The following TTPAL variants were observed in gnomAD, a reference collection of about 807,000 sequenced individuals.
TTPAL encodes the protein alpha tocopherol transfer protein like, also known as alpha-tocopherol transfer protein-like.
A neutral mutation model predicts 28.7 loss-of-function variants in TTPAL; 21 were observed. That is an observed-to-expected ratio of 0.73 (90% confidence interval 0.52 to 1.06). The LOEUF is 1.06. TTPAL is among the 50% of genes least tolerant of loss of function. The pLI is 0.00. For missense variants in TTPAL, 345 were observed against 425.5 expected (o/e 0.81, Z 1.67); for synonymous variants, 169 against 171.9 (o/e 0.98, Z 0.13).
rs1267067785 is a variant in TTPAL at position 44,494,212 on chromosome 20, C to T, written c.*4671C>T. ...TTCATGGGGCTGTTTTTCTTTTCAT[C>T]TCACTGGGCAGCAGGTTTAGTGAGG... is the stretch of plus-strand genomic sequence containing the variant. On this transcript the variant is annotated 3_prime_UTR_variant, in exon 5 of 5. Transcript: ENST00000262605. 6.6e-6 allele frequency: 1 copy of T among 151,308 alleles called. No homozygotes were observed. Among genetic ancestry groups the T allele is most frequent in the East Asian group, 1.9e-4 (1 of 5,312 alleles). The allele number at this position is 151,308 out of a possible 1,614,324, so 9.4% of individuals were successfully genotyped here. A position where few individuals can be genotyped will look rare whatever the true frequency, so the allele number is the denominator to read the frequency against.
Position 44,491,091 on chromosome 20 carries a change from A to T in TTPAL, c.*1550A>T, listed in dbSNP as rs2122968326. ...ACTCTGCCTCAAAAAAAAAAAAAAA[A>T]AAAAAAAATTTTTTTTTTTTTGGTC... is the stretch of plus-strand genomic sequence containing the variant. On this transcript the variant is annotated 3_prime_UTR_variant, in exon 5 of 5. Coordinates refer to ENST00000262605, the MANE Select transcript of TTPAL (RefSeq NM_001039199.3). 1 of 151,244 alleles carries T rather than the reference A, an allele frequency of 6.6e-6. No homozygotes were observed. The highest frequency in any genetic ancestry group is 2.1e-4 in the South Asian group (1 of 4,784). 9.4% of individuals were successfully genotyped at this position (151,244 alleles called of 1,614,324 possible). A position where few individuals can be genotyped will look rare whatever the true frequency, so the allele number is the denominator to read the frequency against.
At chr20:44,479,393 T>C (rs2064078285) in intron 1 of TTPAL, among the ~76,000 whole-genome samples, 1 of 146,194 alleles carries the variant, frequency 6.8e-6, no homozygotes, top group Non-Finnish European at 1.5e-5. Flanking sequence ...AATCTGAATC[T>C]GAGTTGTTTT....
intron 2 of TTPAL, among the ~76,000 whole-genome samples, chr20:44,482,014 AT>A (rs1468743438): frequency 1.3e-5 from 2 of 152,064 alleles, no homozygotes; most frequent in Non-Finnish European, 2.9e-5. Flanking sequence ...TGTGAGATGA[AT>A]TTTTTCCCCA....
rs898746327 is a variant in TTPAL at position 44,492,820 on chromosome 20, T to C, written c.*3279T>C. 1 of 152,366 alleles carries C rather than the reference T, an allele frequency of 6.6e-6. No individual in the cohort carries two copies. Among genetic ancestry groups the C allele is most frequent in the African/African-American group, 2.4e-5 (1 of 41,470 alleles). 9.4% of individuals were successfully genotyped at this position (152,366 alleles called of 1,614,324 possible). A position where few individuals can be genotyped will look rare whatever the true frequency, so the allele number is the denominator to read the frequency against. On this transcript the variant is annotated 3_prime_UTR_variant, in exon 5 of 5. Coordinates refer to ENST00000262605, the MANE Select transcript of TTPAL (RefSeq NM_001039199.3). ...AAAAGTGCCACCCTGGCTTCATGTC[T>C]TGAATTTCTAACTTGCTCTTGGCAA... is the stretch of plus-strand genomic sequence containing the variant.
At chr20:44,481,494 C>T (rs1014161050) in intron 2 of TTPAL, among the ~76,000 whole-genome samples, 1 of 152,118 alleles carries the variant, frequency 6.6e-6, no homozygotes, top group Non-Finnish European at 1.5e-5. Flanking sequence ...ACACCAAAAG[C>T]GTTATTAAAC....
Position 44,480,326 on chromosome 20 carries a change from G to GC in TTPAL, c.330dup (p.Glu111ArgfsTer5). On this transcript the variant is annotated frameshift_variant, in exon 2 of 5. Coordinates refer to ENST00000262605, the MANE Select transcript of TTPAL (RefSeq NM_001039199.3). LOFTEE classifies it high-confidence loss of function. The surrounding 1 kb of genome is among the most constrained non-coding windows in gnomAD (Gnocchi z 4.1). ...ACTACCACAGCTGTAGAAGAAGCTG[G>GC]CCCGAAGTCTTCAATAACTTGAAGC... 6.2e-7 allele frequency: 1 copy of GC among 1,614,088 alleles called. No individual in the cohort carries two copies. Among genetic ancestry groups the GC allele is most frequent in the Non-Finnish European group, 8.5e-7 (1 of 1,180,016 alleles).
intron 3 of TTPAL, 86 bp downstream of exon 3, chr20:44,484,616 C>A: frequency 1.1e-6 from 1 of 948,760 alleles, no homozygotes; most frequent in Non-Finnish European, 1.6e-6. Flanking sequence ...TCACATGATA[C>A]ACAAACTGCA....
intron 4 of TTPAL, among the ~76,000 whole-genome samples, chr20:44,488,666 G>C (rs1286855889): frequency 6.6e-6 from 1 of 152,214 alleles, no homozygotes; most frequent in Non-Finnish European, 1.5e-5. Flanking sequence ...GCAAAGACAA[G>C]AAGTGAGAGA....
At chr20:44,487,461 A>C (rs1362084013) in intron 4 of TTPAL, among the ~76,000 whole-genome samples, 1 of 152,176 alleles carries the variant, frequency 6.6e-6, no homozygotes, top group Non-Finnish European at 1.5e-5. Flanking sequence ...TCTCTAAAAT[A>C]AATTTTTTTT....
chr20:44,488,228 CA>C (rs891665408), intron 4 of TTPAL, among the ~76,000 whole-genome samples: 4 of 152,228 alleles, frequency 2.6e-5, no homozygotes, highest in African/African-American at 9.7e-5. Context: ...TTCTGATGCA[CA>C]GCTAGATTTG....
intron 3 of TTPAL, among the ~76,000 whole-genome samples, chr20:44,485,155 C>T (rs1208467123): frequency 2.0e-5 from 3 of 151,998 alleles, no homozygotes; most frequent in African/African-American, 4.8e-5. Flanking sequence ...TATGCTTCTG[C>T]GTAAGGTGCT....
intron 1 of TTPAL, among the ~76,000 whole-genome samples, chr20:44,477,661 A>AT (rs2064057766): frequency 6.6e-6 from 1 of 151,632 alleles, no homozygotes; most frequent in South Asian, 2.1e-4. Context: ...TTATTTATTT[A>AT]TTTATTTATC....
intron 2 of TTPAL, among the ~76,000 whole-genome samples, chr20:44,483,700 T>G (rs554686595): frequency 1.2e-3 from 178 of 152,330 alleles, no homozygotes; most frequent in African/African-American, 3.9e-3. Flanking sequence ...ATTCTACTTA[T>G]GAGGACATCG....
chr20:44,479,872 A>G, intron 1 of TTPAL, 113 bp from the exon 2 acceptor site: 1 of 871,898 alleles, frequency 1.1e-6, no homozygotes, highest in Non-Finnish European at 1.8e-6. Context: ...GTTGAGAAAC[A>G]CTGCCCTGAG....
At chr20:44,483,407 T>C (rs949497364) in intron 2 of TTPAL, among the ~76,000 whole-genome samples, 5 of 152,138 alleles carry the variant, frequency 3.3e-5, no homozygotes, top group Non-Finnish European at 7.3e-5. Context: ...GACAGAACTC[T>C]TTCCAAAGGG....
intron 1 of TTPAL, chr20:44,478,726 T>G (rs922607232): frequency 2.6e-5 from 4 of 152,284 alleles, no homozygotes; most frequent in Admixed American, 2.0e-4. Flanking sequence ...CGTGATTTTC[T>G]GTACACTATT....
chr20:44,491,743 A>AGGG lies in TTPAL; in HGVS notation c.*2205_*2207dup, dbSNP rs985372522. The AGGG allele has an allele frequency of 6.6e-6, 1 of 152,352 alleles. No homozygotes were observed. The highest frequency in any genetic ancestry group is 2.4e-5 in the African/African-American group (1 of 41,430). The allele number at this position is 152,352 out of a possible 1,614,324, so 9.4% of individuals were successfully genotyped here. Reference sequence around the variant, plus strand: ...AGTGGGATGGCTGAAGGAGGGAAGGAGGGGGTTCAGAACCCACTGGCCTGG... The same window carrying AGGG: ...AGTGGGATGGCTGAAGGAGGGAAGGAGGGGGGGGTTCAGAACCCACTGGCCTGG... On this transcript the variant is annotated 3_prime_UTR_variant, in exon 5 of 5. Transcript: ENST00000262605.
rs2064226659 is a variant in TTPAL, at chr20:44,493,486, A to G, written c.*3945A>G. On this transcript the variant is annotated 3_prime_UTR_variant, in exon 5 of 5. Transcript: ENST00000262605. The stretch of plus-strand genomic sequence containing the variant: ...CAAAAGCTAGAGTATTGCTGTGGCG[A>G]TTATAATACTTTTAAAAAGTTTTAC... 1 of 152,310 alleles carries G rather than the reference A, an allele frequency of 6.6e-6. No individual in the cohort carries two copies. Among genetic ancestry groups the G allele is most frequent in the African/African-American group, 2.4e-5 (1 of 41,446 alleles). 9.4% of individuals were successfully genotyped at this position (152,310 alleles called of 1,614,324 possible).
intron 1 of TTPAL, among the ~76,000 whole-genome samples, chr20:44,478,124 T>C (rs894474308): frequency 1.3e-5 from 2 of 152,082 alleles, no homozygotes; most frequent in Non-Finnish European, 2.9e-5. Context: ...GTCTCTCTCT[T>C]AAACAAAAAA....
Sources: gnomAD v4.1 joint callset for allele counts (sites outside exome capture counted in the v4.1 genomes callset) on GRCh38, gnomAD v4.1.1 for gene constraint, Gnocchi (gnomAD v3.1) non-coding constraint, MANE v1.5 for transcripts, NCBI Gene and HGNC (gene_info 2026-07-23, HGNC 2026-07-21) for gene names.